WWOX: variants seen among roughly 807,000 people sequenced by gnomAD.
WWOX encodes WW domain-containing oxidoreductase.
In WWOX, 69 loss-of-function variants were observed where a neutral mutation model predicts 46.2. That is an observed-to-expected ratio of 1.49 (90% confidence interval 1.23 to 1.82). The LOEUF is 1.82. Ranked by LOEUF, WWOX falls within the 40% of genes most tolerant of loss-of-function variation. The pLI is 0.00. For synonymous variants in WWOX, 359 were observed against 202.6 expected (o/e 1.77, Z -6.56); for missense variants, 919 against 542.6 (o/e 1.69, Z -6.89).
intron 8 of WWOX, among the ~76,000 whole-genome samples, chr16:78,762,702 G>A (rs1197794692): frequency 1.3e-5 from 2 of 152,182 alleles, no homozygotes; most frequent in African/African-American, 4.8e-5. Flanking sequence ...GCTGAGAACA[G>A]CAGCTCTGAA....
intron 4 of WWOX, among the ~76,000 whole-genome samples, chr16:78,162,608 C>G (rs758631929): frequency 6.6e-6 from 1 of 151,992 alleles, no homozygotes; most frequent in Non-Finnish European, 1.5e-5. Flanking sequence ...CTGCTTATGG[C>G]TCAGGATACT....
intron 8 of WWOX, among the ~76,000 whole-genome samples, chr16:78,967,150 C>T (rs913168975): frequency 2.0e-5 from 3 of 152,166 alleles, no homozygotes; most frequent in East Asian, 1.9e-4. Flanking sequence ...CCCAAGTTTA[C>T]CTGCCTCTCT....
chr16:78,717,911 T>C (rs1245189226), intron 8 of WWOX, among the ~76,000 whole-genome samples: 1 of 152,178 alleles, frequency 6.6e-6, no homozygotes, highest in South Asian at 2.1e-4. Flanking sequence ...CACGACATAG[T>C]GGACCCAACA....
chr16:79,146,733 G>A (rs184741696), intron 8 of WWOX, among the ~76,000 whole-genome samples: 26 of 152,224 alleles, frequency 1.7e-4, no homozygotes, highest in African/African-American at 5.8e-4. Flanking sequence ...TGGTCAGAAA[G>A]GTGTGGTCCT....
intron 5 of WWOX, among the ~76,000 whole-genome samples, chr16:78,373,509 G>A (rs980952605): frequency 3.7e-4 from 56 of 152,322 alleles, no homozygotes; most frequent in African/African-American, 1.2e-3. Context: ...TCAATGCAGT[G>A]TGGGTTAGGA....
chr16:78,962,496 A>G (rs2046290236), intron 8 of WWOX, among the ~76,000 whole-genome samples: 1 of 152,070 alleles, frequency 6.6e-6, no homozygotes, highest in African/African-American at 2.4e-5. Flanking sequence ...ATTGCTTCAC[A>G]TTGCATTTAA....
intron 8 of WWOX, among the ~76,000 whole-genome samples, chr16:79,184,897 G>T (rs764663095): frequency 1.2e-4 from 18 of 152,180 alleles, no homozygotes; most frequent in Non-Finnish European, 1.8e-4. Flanking sequence ...TCAAGAACGT[G>T]TTACTTTTTT....
chr16:78,103,819 G>A (rs184228139), intron 1 of WWOX, among the ~76,000 whole-genome samples: 113 of 152,150 alleles, frequency 7.4e-4, no homozygotes, highest in Non-Finnish European at 1.4e-3. Flanking sequence ...CTCCCACTGA[G>A]ACCTCGGGGT....
chr16:78,447,349 GCTTATTGCAT>G (rs2151405315), intron 8 of WWOX, among the ~76,000 whole-genome samples: 1 of 152,316 alleles, frequency 6.6e-6, no homozygotes, highest in Admixed American at 6.5e-5. Flanking sequence ...GTGTAAAGCT[GCTTATTGCAT>G]CATCATGTAG....
intron 8 of WWOX, among the ~76,000 whole-genome samples, chr16:78,838,132 C>T (rs1294828910): frequency 6.6e-6 from 1 of 152,120 alleles, no homozygotes; most frequent in Non-Finnish European, 1.5e-5. Context: ...CCTCCTCCTT[C>T]AACTCTGTCA....
intron 4 of WWOX, among the ~76,000 whole-genome samples, chr16:78,118,329 T>G (rs2032915139): frequency 6.6e-6 from 1 of 152,148 alleles, no homozygotes; most frequent in Non-Finnish European, 1.5e-5. Flanking sequence ...TTCTGACAGA[T>G]AAAAGGATTT....
chr16:78,282,640 G>A (rs1251930395), intron 5 of WWOX, among the ~76,000 whole-genome samples: 1 of 152,018 alleles, frequency 6.6e-6, no homozygotes. Context: ...ACTTTGGGAG[G>A]CCTAGGTGCG....
intron 8 of WWOX, among the ~76,000 whole-genome samples, chr16:78,943,626 C>T (rs2045894901): frequency 6.6e-6 from 1 of 152,160 alleles, no homozygotes; most frequent in African/African-American, 2.4e-5. Context: ...CTGTGTGGCC[C>T]CGTCAATGGC....
At position 78,814,020 on chromosome 16, in the gene WWOX, G is replaced by C. The variant is rs562409801; in HGVS notation, c.1056+381268G>C. ...TTAAGGCAACTGCTGTTTCTTTTAG[G>C]AGTTTTCTTTTCTTTCCTTGCTGAA... On this transcript the variant is annotated intron_variant, in intron 8 of 8. Coordinates refer to ENST00000566780, the MANE Select transcript of WWOX (RefSeq NM_016373.4). 7.9e-5 allele frequency among the ~76,000 whole-genome samples: 12 copies of C among 152,230 alleles called. No individual in the cohort carries two copies. In the East Asian group the frequency reaches 2.1e-3, roughly 27 times the overall value.
At chr16:78,878,699 C>T (rs1458659609) in intron 8 of WWOX, among the ~76,000 whole-genome samples, 4 of 151,986 alleles carry the variant, frequency 2.6e-5, no homozygotes, top group Non-Finnish European at 4.4e-5. Context: ...TTATAGACCC[C>T]TTTCCCTGCA....
At chr16:78,585,940 T>A (rs2045192150) in intron 8 of WWOX, among the ~76,000 whole-genome samples, 1 of 152,114 alleles carries the variant, frequency 6.6e-6, no homozygotes, top group Non-Finnish European at 1.5e-5. Flanking sequence ...CTCGTTTCTA[T>A]AATCCCAGCA....
chr16:78,766,422 C>T (rs1307261518), intron 8 of WWOX, among the ~76,000 whole-genome samples: 1 of 152,130 alleles, frequency 6.6e-6, no homozygotes, highest in African/African-American at 2.4e-5. Context: ...CAGCAAGACC[C>T]CACGTCTTAA....
At chr16:78,743,124 G>C (rs749671646) in intron 8 of WWOX, among the ~76,000 whole-genome samples, 4 of 152,092 alleles carry the variant, frequency 2.6e-5, no homozygotes, top group East Asian at 1.9e-4. Flanking sequence ...GGAGACACTT[G>C]AGTGTCTTTC....
At chr16:79,203,054 T>G (rs1029265243) in intron 8 of WWOX, 3 of 152,230 alleles carry the variant, frequency 2.0e-5, no homozygotes, top group African/African-American at 7.2e-5. Flanking sequence ...CGAGGCAGAA[T>G]TATTTACCCG....
Sources: allele counts gnomAD v4.1 joint callset (sites outside exome capture counted in the v4.1 genomes callset), GRCh38; gene constraint gnomAD v4.1.1; transcripts MANE v1.5; gene names NCBI Gene and HGNC (gene_info 2026-07-23, HGNC 2026-07-21).